The following CSMD1 variants were observed in gnomAD, a reference collection of about 807,000 sequenced individuals.
CSMD1 encodes the protein CUB and sushi domain-containing protein 1.
A neutral mutation model predicts 417.5 loss-of-function variants in CSMD1; 213 were observed. The observed-to-expected ratio is 0.51, with a 90% CI of 0.46 to 0.57. The LOEUF (loss-of-function observed/expected upper bound fraction) is 0.57. Ranked by LOEUF, CSMD1 falls within the 20% of genes least tolerant of loss-of-function variation. CSMD1 has a pLI of 0.00. For synonymous variants in CSMD1, 2,862 were observed against 1,736.8 expected (o/e 1.65, Z -16.11); for missense variants, 6,923 against 4,529.7 (o/e 1.53, Z -15.17).
At chr8:3,661,592 G>A (rs867067747) in intron 7 of CSMD1, among the ~76,000 whole-genome samples, 10 of 151,600 alleles carry the variant, frequency 6.6e-5, no homozygotes, top group Middle Eastern at 3.4e-3. Context: ...CACCTCCCGG[G>A]TTCAAGTGAT....
chr8:4,035,120 C>G (rs186936755), intron 3 of CSMD1, among the ~76,000 whole-genome samples: 5 of 152,242 alleles, frequency 3.3e-5, no homozygotes, highest in Non-Finnish European at 5.9e-5. Context: ...CTAACAACAG[C>G]TCAATGATAC....
chr8:4,780,496 T>C (rs1797098361), intron 1 of CSMD1, among the ~76,000 whole-genome samples: 1 of 152,202 alleles, frequency 6.6e-6, no homozygotes, highest in African/African-American at 2.4e-5. Context: ...TTTTAACCTT[T>C]TATCTGAAGA....
rs113712214 is a variant in CSMD1 at position 3,164,409 on chromosome 8, T to C, written c.5726-2132A>G. Among the ~76,000 whole-genome samples the C allele has an allele frequency of 4.5e-3, 680 of 152,352 alleles. 9 individuals carry two copies. Among genetic ancestry groups the C allele is most frequent in the African/African-American group, 0.016 (661 of 41,584 alleles). On this transcript the variant is annotated intron_variant, in intron 37 of 69. Transcript: ENST00000635120. The stretch of plus-strand genomic sequence containing the variant: ...ACAGATTTTCAAGCCATTGGGGCTT[T>C]ACATAGAAGATAAAACTGCTAAATA...
At chr8:4,507,676 G>A (rs73496667) in intron 2 of CSMD1, among the ~76,000 whole-genome samples, 17,492 of 152,140 alleles carry the variant, frequency 0.11, 1,192 homozygotes, top group African/African-American at 0.15. Context: ...CAAGGCAATG[G>A]AAGATACATA....
chr8:4,679,006 C>A (rs1447879392), intron 1 of CSMD1, among the ~76,000 whole-genome samples: 1 of 152,210 alleles, frequency 6.6e-6, no homozygotes, highest in East Asian at 1.9e-4. Context: ...ACCCACAGAA[C>A]AACAGGGACC....
chr8:4,665,264 T>G (rs1447059713), intron 1 of CSMD1, among the ~76,000 whole-genome samples: 1 of 152,226 alleles, frequency 6.6e-6, no homozygotes, highest in Non-Finnish European at 1.5e-5. Context: ...ACTTCAAAGT[T>G]TGGCTGGTTC....
At chr8:3,976,125 A>G (rs943060331) in intron 5 of CSMD1, among the ~76,000 whole-genome samples, 6 of 152,080 alleles carry the variant, frequency 3.9e-5, no homozygotes, top group African/African-American at 1.2e-4. Context: ...TACATTACCT[A>G]TATAGTAGAA....
At chr8:3,542,925 G>C (rs1464490500) in intron 10 of CSMD1, among the ~76,000 whole-genome samples, 1 of 151,354 alleles carries the variant, frequency 6.6e-6, no homozygotes, top group East Asian at 1.9e-4. Flanking sequence ...TCCCCAGGCA[G>C]CTCTCCTGAG....
intron 3 of CSMD1, among the ~76,000 whole-genome samples, chr8:4,382,861 G>A (rs1250369320): frequency 1.3e-5 from 2 of 152,124 alleles, no homozygotes; most frequent in African/African-American, 4.8e-5. Flanking sequence ...TGCCTACAAG[G>A]AGCTCAAGGC....
intron 3 of CSMD1, among the ~76,000 whole-genome samples, chr8:4,116,869 G>A (rs967089598): frequency 8.6e-5 from 13 of 151,914 alleles, no homozygotes; most frequent in Admixed American, 4.0e-4. Context: ...TGTACAATGT[G>A]CCAGAAAAAG....
At chr8:3,335,099 A>G (rs1248253975) in intron 23 of CSMD1, among the ~76,000 whole-genome samples, 1 of 152,188 alleles carries the variant, frequency 6.6e-6, no homozygotes, top group African/African-American at 2.4e-5. Context: ...AGAGGAGCCC[A>G]GGACCCTGGA....
chr8:4,147,012 C>T (rs889638741), intron 3 of CSMD1, among the ~76,000 whole-genome samples: 1 of 151,938 alleles, frequency 6.6e-6, no homozygotes, highest in Non-Finnish European at 1.5e-5. Context: ...CACTCAGAGG[C>T]CAGGAGAGTC....
chr8:4,896,713 T>C (rs893184945), intron 1 of CSMD1, among the ~76,000 whole-genome samples: 1 of 152,072 alleles, frequency 6.6e-6, no homozygotes, highest in Non-Finnish European at 1.5e-5. Flanking sequence ...GACTTCAAGC[T>C]TGTGATGATG....
At chr8:3,002,178 C>T (rs7838879) in intron 52 of CSMD1, among the ~76,000 whole-genome samples, 2 of 152,182 alleles carry the variant, frequency 1.3e-5, no homozygotes, top group African/African-American at 4.8e-5. Flanking sequence ...AGACTTGATA[C>T]AAGCGGAGAA....
chr8:3,029,347 G>A lies in CSMD1; in HGVS notation c.7827C>T (p.Asn2609=), dbSNP rs1223529157. The A allele has an allele frequency of 1.2e-6, 2 of 1,610,194 alleles. No individual in the cohort carries two copies. The highest frequency in any genetic ancestry group is 1.7e-6 in the Non-Finnish European group (2 of 1,179,256). ...LLRCQANGTW[N]IGDERPSCRV... is the part of the protein sequence containing the mutation. ...GACAGCTTGGCCTCTCATCTCCTAT[G>A]TTCCACGTCCCATTGGCCTGGCACC... The change falls in exon 51 of 70, where the codon AAC becomes AAT. Residue 2609 remains asparagine, a synonymous_variant. Transcript: ENST00000635120.
intron 27 of CSMD1, among the ~76,000 whole-genome samples, chr8:3,224,173 G>C (rs1257766812): frequency 1.3e-5 from 2 of 152,080 alleles, no homozygotes; most frequent in Non-Finnish European, 2.9e-5. Context: ...TTAAATGAAA[G>C]ATGACTTAAT....
At chr8:3,401,304 T>C (rs1485552783) in intron 15 of CSMD1, among the ~76,000 whole-genome samples, 2 of 152,108 alleles carry the variant, frequency 1.3e-5, no homozygotes, top group East Asian at 3.9e-4. Flanking sequence ...CAACCAAAAG[T>C]TTCCTTTACT....
At chr8:3,848,344 T>C (rs1343325543) in intron 5 of CSMD1, among the ~76,000 whole-genome samples, 1 of 152,046 alleles carries the variant, frequency 6.6e-6, no homozygotes, top group African/African-American at 2.4e-5. Context: ...AGCAATCTTA[T>C]TAAAGAGAGT....
At chr8:3,735,282 T>G (rs1045142784) in intron 6 of CSMD1, among the ~76,000 whole-genome samples, 3 of 150,598 alleles carry the variant, frequency 2.0e-5, no homozygotes, top group African/African-American at 7.3e-5. Context: ...ACTTGGCTTA[T>G]ACATCATATA....
Sources: allele counts gnomAD v4.1 joint callset (sites outside exome capture counted in the v4.1 genomes callset), GRCh38; gene constraint gnomAD v4.1.1; transcripts MANE v1.5; gene names NCBI Gene and HGNC (gene_info 2026-07-23, HGNC 2026-07-21).